The following INPP4B variants were observed in gnomAD, a reference collection of about 807,000 sequenced individuals.
INPP4B encodes the protein inositol polyphosphate-4-phosphatase type II B.
A neutral mutation model predicts 122.5 loss-of-function variants in INPP4B; 55 were observed. That is an observed-to-expected ratio of 0.45 (90% CI 0.36 to 0.56). INPP4B has a LOEUF of 0.56. Ranked by LOEUF, INPP4B falls within the 20% of genes least tolerant of loss-of-function variation. The pLI is 0.00. For synonymous variants in INPP4B, 403 were observed against 388.7 expected, an observed-to-expected ratio of 1.04 and a Z score of -0.43; for missense variants, 1,000 against 1,097.7, an observed-to-expected ratio of 0.91 and a Z score of 1.26.
At chr4:142,556,087 C>A (rs1199141222) in intron 2 of INPP4B, among the ~76,000 whole-genome samples, 1 of 152,060 alleles carries the variant, frequency 6.6e-6, no homozygotes, top group Non-Finnish European at 1.5e-5. Flanking sequence ...GAAACTGAGG[C>A]TCAGAACTTC....
intron 7 of INPP4B, among the ~76,000 whole-genome samples, chr4:142,373,592 G>T (rs1462430837): frequency 6.6e-6 from 1 of 151,824 alleles, no homozygotes; most frequent in Non-Finnish European, 1.5e-5. Context: ...TAGAAAATGG[G>T]AATGACACTA....
chr4:142,032,656 A>G (rs1741044198), intron 25 of INPP4B, among the ~76,000 whole-genome samples: 1 of 152,206 alleles, frequency 6.6e-6, no homozygotes, highest in African/African-American at 2.4e-5. Flanking sequence ...CCGGAGTCAG[A>G]CCAGCTGTTT....
chr4:142,428,464 A>G (rs1237478082), intron 5 of INPP4B, among the ~76,000 whole-genome samples: 2 of 151,526 alleles, frequency 1.3e-5, no homozygotes, highest in Non-Finnish European at 2.9e-5. Context: ...ACCAGTCTAT[A>G]TAGTTCATAT....
At chr4:142,153,775 T>G (rs1815685347) in intron 17 of INPP4B, among the ~76,000 whole-genome samples, 1 of 152,182 alleles carries the variant, frequency 6.6e-6, no homozygotes, top group Non-Finnish European at 1.5e-5. Flanking sequence ...TAAGATGTGT[T>G]AGGTGTTATA....
intron 1 of INPP4B, among the ~76,000 whole-genome samples, chr4:142,758,890 T>C (rs1770889347): frequency 6.6e-6 from 1 of 151,350 alleles, no homozygotes; most frequent in East Asian, 2.0e-4. Flanking sequence ...ATGGTGGAAG[T>C]TGCAGGGAGC....
intron 1 of INPP4B, among the ~76,000 whole-genome samples, chr4:142,759,267 T>G (rs929395246): frequency 3.3e-5 from 5 of 152,134 alleles, no homozygotes; most frequent in Non-Finnish European, 7.3e-5. Context: ...AACCCCTGTT[T>G]TGTATTCAAG....
intron 18 of INPP4B, among the ~76,000 whole-genome samples, chr4:142,135,104 T>G (rs914694763): frequency 1.3e-5 from 2 of 152,244 alleles, no homozygotes; most frequent in African/African-American, 4.8e-5. Context: ...CAATATTCAC[T>G]TATTAATATC....
chr4:142,539,650 T>C (rs944820178), intron 2 of INPP4B, among the ~76,000 whole-genome samples: 6 of 152,066 alleles, frequency 3.9e-5, no homozygotes, highest in Admixed American at 3.3e-4. Flanking sequence ...TGAAAAACTG[T>C]TGAGTAGGAC....
chr4:142,244,530 C>T (rs1483184337), intron 11 of INPP4B, among the ~76,000 whole-genome samples: 1 of 151,768 alleles, frequency 6.6e-6, no homozygotes, highest in Non-Finnish European at 1.5e-5. Flanking sequence ...GTCTTGAACT[C>T]CTGACCTCAT....
intron 2 of INPP4B, among the ~76,000 whole-genome samples, chr4:142,612,612 C>T (rs1475335861): frequency 6.6e-6 from 1 of 152,060 alleles, no homozygotes; most frequent in Non-Finnish European, 1.5e-5. Context: ...GCAGTTTTTG[C>T]CATTTTTAAA....
intron 1 of INPP4B, among the ~76,000 whole-genome samples, chr4:142,810,169 C>CAAAAAAAAAA (rs201292060): frequency 9.6e-6 from 1 of 103,880 alleles, no homozygotes; most frequent in African/African-American, 3.4e-5. Flanking sequence ...GACTCCATCT[C>CAAAAAAAAAA]AAAAAAAAAA....
rs751592415 is a variant in INPP4B at position 142,305,531 on chromosome 4, A to G, written c.430T>C (p.Phe144Leu). Reference sequence around the variant, plus strand: ...ACTTTAAAACTGGCATAGCCCAAGAAACTTCGCTGAAAATAACAGAAAGAA... The same window carrying G: ...ACTTTAAAACTGGCATAGCCCAAGAGACTTCGCTGAAAATAACAGAAAGAA... The part of the protein sequence containing the change: ...KDPPPEVGRS[F>L]LGYASFKVGE... The change falls in exon 9 of 26, where the codon TTC (phenylalanine) becomes CTC (leucine). Residue 144 changes from phenylalanine (F) to leucine (L), a missense_variant. Transcript: ENST00000262992. The G allele has an allele frequency of 1.2e-6, 2 of 1,611,432 alleles. No individual in the cohort carries two copies. Among genetic ancestry groups the G allele is most frequent in the South Asian group, 2.2e-5 (2 of 90,418 alleles).
At chr4:142,133,772 T>C (rs1802520148) in intron 18 of INPP4B, among the ~76,000 whole-genome samples, 1 of 152,192 alleles carries the variant, frequency 6.6e-6, no homozygotes, top group South Asian at 2.1e-4. Context: ...AAGGCTGCTG[T>C]AATAGCTATT....
intron 2 of INPP4B, among the ~76,000 whole-genome samples, chr4:142,705,231 T>C (rs1407192657): frequency 6.6e-6 from 1 of 152,144 alleles, no homozygotes; most frequent in East Asian, 1.9e-4. Flanking sequence ...GGACCATCGG[T>C]TCTCTATTGC....
intron 17 of INPP4B, among the ~76,000 whole-genome samples, chr4:142,155,197 C>T (rs1314102586): frequency 6.6e-6 from 1 of 151,952 alleles, no homozygotes; most frequent in African/African-American, 2.4e-5. Flanking sequence ...AAATTTGTTA[C>T]TTCTAAAGAA....
intron 2 of INPP4B, among the ~76,000 whole-genome samples, chr4:142,524,637 C>T (rs1464085718): frequency 2.0e-5 from 3 of 152,002 alleles, no homozygotes; most frequent in East Asian, 1.9e-4. Context: ...AGACAAAAAC[C>T]ACATGATTAT....
intron 2 of INPP4B, among the ~76,000 whole-genome samples, chr4:142,601,348 C>T (rs530329204): frequency 2.6e-5 from 4 of 151,916 alleles, no homozygotes; most frequent in Non-Finnish European, 2.9e-5. Flanking sequence ...AAAATCATAT[C>T]AAGTAATTTT....
intron 3 of INPP4B, among the ~76,000 whole-genome samples, chr4:142,445,722 C>G (rs532748743): frequency 6.6e-6 from 1 of 152,206 alleles, no homozygotes; most frequent in South Asian, 2.1e-4. Context: ...CTCTGCCTAA[C>G]AATAGAGTAC....
chr4:142,047,762 C>A (rs969659360), intron 25 of INPP4B, among the ~76,000 whole-genome samples: 1 of 151,988 alleles, frequency 6.6e-6, no homozygotes, highest in African/African-American at 2.4e-5. Context: ...TGCAAGGGAG[C>A]AGAGACAAAG....
Sources: gnomAD v4.1 joint callset for allele counts (sites outside exome capture counted in the v4.1 genomes callset) on GRCh38, gnomAD v4.1.1 for gene constraint, MANE v1.5 for transcripts, NCBI Gene and HGNC (gene_info 2026-07-23, HGNC 2026-07-21) for gene names.